Variants in PAK1IP1 observed in about 807,000 individuals in gnomAD.
PAK1IP1 encodes the protein PAK1 interacting protein 1.
Under a neutral mutation model 42.0 loss-of-function variants are expected in PAK1IP1, and 24 were observed. The ratio of observed to expected loss-of-function variants is 0.57; its 90% CI spans 0.41 to 0.80. PAK1IP1 has a LOEUF of 0.80. Among genes scored for constraint, PAK1IP1 ranks in the 30% least tolerant of loss-of-function variants. PAK1IP1 has a pLI of 0.00. For missense variants in PAK1IP1, 411 were observed against 467.9 expected, an observed-to-expected ratio of 0.88 and a Z score of 1.12; for synonymous variants, 154 against 156.7, an observed-to-expected ratio of 0.98 and a Z score of 0.13.
At chr6:10,696,350 C>A (rs906687614) in intron 1 of PAK1IP1, among the ~76,000 whole-genome samples, 1 of 152,212 alleles carries the variant, frequency 6.6e-6, no homozygotes, top group African/African-American at 2.4e-5. Flanking sequence ...GGAGTATCTT[C>A]TGTAACTAAG....
At chr6:10,693,766 T>C (rs1204519824), upstream of PAK1IP1, among the ~76,000 whole-genome samples, 1 of 152,106 alleles carries the variant, frequency 6.6e-6, no homozygotes, top group Non-Finnish European at 1.5e-5. Context: ...GCCTGGCTCG[T>C]CCCCCAGACT....
intron 1 of PAK1IP1, among the ~76,000 whole-genome samples, chr6:10,695,489 A>G (rs558551185): frequency 7.2e-5 from 11 of 152,340 alleles, no homozygotes; most frequent in South Asian, 2.1e-4. Flanking sequence ...AGCGATACCA[A>G]TTCATTATTT....
rs1491095873 is a variant in PAK1IP1, at chr6:10,709,602, TTA to T, written c.*151_*152del. The T allele has an allele frequency of 5.8e-5, 21 of 361,028 alleles. No individual in the cohort carries two copies. The highest frequency in any genetic ancestry group is 2.8e-4 in the African/African-American group (8 of 28,132). 22.4% of individuals were successfully genotyped at this position (361,028 alleles called of 1,614,324 possible). A position where few individuals can be genotyped will look rare whatever the true frequency, so the allele number is the denominator to read the frequency against. On this transcript the variant is annotated 3_prime_UTR_variant, in exon 10 of 10. Coordinates refer to ENST00000379568, the MANE Select transcript of PAK1IP1 (RefSeq NM_017906.3). ...AAAAACCACTTTTAGATGGTTTTTT[TTA>T]AAAAAAAAAAAAAAACTGGTAAAAT...
chr6:10,693,357 C>G (rs1769528061), upstream of PAK1IP1, among the ~76,000 whole-genome samples: 1 of 152,248 alleles, frequency 6.6e-6, no homozygotes, highest in African/African-American at 2.4e-5. Context: ...TGTCTCCATG[C>G]TGACTTTTCT....
intron 2 of PAK1IP1, among the ~76,000 whole-genome samples, chr6:10,701,560 G>C (rs1358895553): frequency 6.6e-6 from 1 of 152,204 alleles, no homozygotes; most frequent in Non-Finnish European, 1.5e-5. Flanking sequence ...ACTTTCCAAA[G>C]TGAGAAATAG....
At chr6:10,708,397 G>A (rs1022001590) in intron 8 of PAK1IP1, among the ~76,000 whole-genome samples, 5 of 152,024 alleles carry the variant, frequency 3.3e-5, no homozygotes, top group Non-Finnish European at 5.9e-5. Context: ...ATACTACGCC[G>A]TTGTGTGGAT....
At chr6:10,701,319 T>C (rs970787810) in intron 2 of PAK1IP1, among the ~76,000 whole-genome samples, 1 of 152,150 alleles carries the variant, frequency 6.6e-6, no homozygotes, top group Admixed American at 6.6e-5. Flanking sequence ...TCAAGTGATC[T>C]GCCTGTCTCG....
chr6:10,692,253 A>G (rs1034857065), upstream of PAK1IP1, among the ~76,000 whole-genome samples: 1 of 152,228 alleles, frequency 6.6e-6, no homozygotes. Context: ...TTTTAAAGAT[A>G]AAATGTGAAA....
upstream of PAK1IP1, chr6:10,694,597 TAAGCAACCGGC>T: frequency 2.0e-5 from 4 of 195,436 alleles, no homozygotes; most frequent in East Asian, 1.4e-4. Flanking sequence ...CTACAGCCCC[TAAGCAACCGGC>T]CGGAAGTCGG....
At chr6:10,704,370 T>C (rs1770135100) in intron 5 of PAK1IP1, 137 bp from the exon 6 acceptor site, 4 of 619,942 alleles carry the variant, frequency 6.5e-6, no homozygotes, top group Admixed American at 3.4e-5. Flanking sequence ...AAAACTTGAC[T>C]TGTAAAATGT....
chr6:10,707,026 A>G (rs1409133742), intron 7 of PAK1IP1, among the ~76,000 whole-genome samples: 2 of 152,240 alleles, frequency 1.3e-5, no homozygotes, highest in East Asian at 3.9e-4. Flanking sequence ...GGGACTGGAG[A>G]TGAGGGAAAT....
At position 10,709,632 on chromosome 6, in the gene PAK1IP1, CT is replaced by C; in HGVS notation, c.*184del. The C allele has an allele frequency of 2.5e-6, 1 of 402,476 alleles. No homozygotes were observed. The highest frequency in any genetic ancestry group is 5.5e-5 in the South Asian group (1 of 18,148). The allele number at this position is 402,476 out of a possible 1,614,324, so 24.9% of individuals were successfully genotyped here. A position where few individuals can be genotyped will look rare whatever the true frequency, so the allele number is the denominator to read the frequency against. On this transcript the variant is annotated 3_prime_UTR_variant, in exon 10 of 10. Coordinates refer to ENST00000379568, the MANE Select transcript of PAK1IP1 (RefSeq NM_017906.3). ...AAAAAAAAAAAAACTGGTAAAATTA[CT>C]TTTGGCAGACAGTGTTTTATGAATT... is the stretch of plus-strand genomic sequence containing the variant.
chr6:10,698,652 A>T (rs1003475158), intron 2 of PAK1IP1, among the ~76,000 whole-genome samples: 2 of 152,198 alleles, frequency 1.3e-5, no homozygotes, highest in African/African-American at 2.4e-5. Flanking sequence ...TGAGGAAAGT[A>T]CTGCCAGTTT....
intron 2 of PAK1IP1, 28 bp from the exon 3 acceptor site, chr6:10,702,341 A>AT (rs1445227688): frequency 6.3e-6 from 10 of 1,589,508 alleles, no homozygotes; most frequent in Non-Finnish European, 8.6e-6. Context: ...AATGAATATT[A>AT]TTTTTGCCTA....
intron 8 of PAK1IP1, among the ~76,000 whole-genome samples, chr6:10,708,519 GAT>G (rs985814735): frequency 4.6e-5 from 7 of 151,866 alleles, no homozygotes; most frequent in East Asian, 1.9e-4. Flanking sequence ...TTTTTGTGTG[GAT>G]ATATGTTTTT....
Position 10,704,768 on chromosome 6 carries a change from G to A in PAK1IP1, c.664G>A (p.Gly222Arg). Residue 222 changes from glycine (G) to arginine (R), a missense_variant, in exon 7 of 10, where the codon GGA becomes AGA. Transcript: ENST00000379568. ...FLSESVLAVA[G>R]DEEVIRFFDC... ...CTAGGAGTCTGTCCTTGCAGTGGCT[G>A]GAGATGAAGAAGTTATAAGGTTTTT... 1 of 1,613,148 alleles carries A rather than the reference G, an allele frequency of 6.2e-7. No individual in the cohort carries two copies. The highest frequency in any genetic ancestry group is 1.3e-5 in the African/African-American group (1 of 75,048).
chr6:10,703,651 C>T (rs181794939), intron 5 of PAK1IP1, among the ~76,000 whole-genome samples, 194 bp downstream of exon 5: 185 of 152,236 alleles, frequency 1.2e-3, no homozygotes, highest in Non-Finnish European at 1.7e-3. Context: ...AATTACCTTC[C>T]GGCTAGGTGT....
At position 10,702,658 on chromosome 6, in the gene PAK1IP1, A is replaced by G. The variant is rs1180185843; in HGVS notation, c.443+19A>G. The G allele has an allele frequency of 6.5e-7, 1 of 1,528,004 alleles. No homozygotes were observed. Among genetic ancestry groups the G allele is most frequent in the Admixed American group, 1.7e-5 (1 of 59,928 alleles). 94.7% of individuals were successfully genotyped at this position (1,528,004 alleles called of 1,614,324 possible). Reference sequence around the variant, plus strand: ...CTTTAAGGTAAGTCATTAATGCTCAAGAGCATTTATCTAAGGTGTGTGTTT... The same window carrying G: ...CTTTAAGGTAAGTCATTAATGCTCAGGAGCATTTATCTAAGGTGTGTGTTT... On this transcript the variant is annotated intron_variant, in intron 4 of 9. Coordinates refer to ENST00000379568, the MANE Select transcript of PAK1IP1 (RefSeq NM_017906.3).
upstream of PAK1IP1, among the ~76,000 whole-genome samples, chr6:10,692,949 T>C (rs1039293536): frequency 1.3e-5 from 2 of 152,240 alleles, no homozygotes; most frequent in African/African-American, 4.8e-5. Flanking sequence ...GCAGATGACG[T>C]AGAAAGTAAA....
Sources: gnomAD v4.1 joint callset for allele counts (sites outside exome capture counted in the v4.1 genomes callset) on GRCh38, gnomAD v4.1.1 for gene constraint, MANE v1.5 for transcripts, NCBI Gene and HGNC (gene_info 2026-07-23, HGNC 2026-07-21) for gene names.